CEMIP: variants seen among roughly 807,000 people sequenced by gnomAD.
The protein encoded by CEMIP is cell migration inducing hyaluronidase 1.
CEMIP carries 105 observed loss-of-function variants against 156.9 expected under a neutral mutation model. That is an observed-to-expected ratio of 0.67 (90% CI 0.57 to 0.79). The LOEUF (loss-of-function observed/expected upper bound fraction) is 0.79. Ranked by LOEUF, CEMIP falls within the 30% of genes least tolerant of loss-of-function variation. The probability of loss-of-function intolerance (pLI) is 0.00; values close to 1 mark genes in which losing one functional copy is unlikely to be tolerated. For synonymous variants in CEMIP, 676 were observed against 668.4 expected (o/e 1.01, Z -0.17); for missense variants, 1,457 against 1,769.4 (o/e 0.82, Z 3.17).
chr15:80,921,522 A>G (rs1900470451), intron 16 of CEMIP, among the ~76,000 whole-genome samples: 1 of 152,196 alleles, frequency 6.6e-6, no homozygotes, highest in African/African-American at 2.4e-5. Flanking sequence ...GAGAGCTGAC[A>G]TGCCCAGGGG....
At chr15:80,905,658 T>A (rs1403030894) in intron 12 of CEMIP, among the ~76,000 whole-genome samples, 1 of 151,976 alleles carries the variant, frequency 6.6e-6, no homozygotes, top group East Asian at 1.9e-4. Context: ...CTAGGAGGGG[T>A]AGCAGAACTG....
Position 80,931,877 on chromosome 15 carries a change from A to C in CEMIP, c.2631A>C (p.Gly877=). The change falls in exon 22 of 30, where the codon GGA becomes GGC. Residue 877 remains glycine, a synonymous_variant. Transcript: ENST00000394685. ...LPIGQNFPIR[G]IQLYDGPINI... ...TCCGTAGGAATTTTCCAATTAGAGG[A>C]ATTCAGTTATATGATGGCCCCATCA... 1 of 1,614,156 alleles carries C rather than the reference A, an allele frequency of 6.2e-7. No homozygotes were observed.
intron 1 of CEMIP, among the ~76,000 whole-genome samples, chr15:80,807,480 C>T (rs2627310): frequency 0.5 from 76,736 of 152,020 alleles, 21,037 homozygotes; most frequent in Non-Finnish European, 0.62. Context: ...CTGCCTTGGC[C>T]TCCCAAAGTG....
intron 1 of CEMIP, among the ~76,000 whole-genome samples, chr15:80,868,180 CAT>C (rs1223749215): frequency 1.3e-5 from 2 of 152,154 alleles, no homozygotes; most frequent in Non-Finnish European, 2.9e-5. Context: ...AAGGGGGAAA[CAT>C]AGAAGCTTCT....
chr15:80,942,802 G>T, intron 27 of CEMIP, 143 bp from the exon 28 acceptor site: 2 of 948,120 alleles, frequency 2.1e-6, no homozygotes, highest in Non-Finnish European at 3.5e-6. Flanking sequence ...GGGCTACGAG[G>T]AGTTAAGTGG....
At chr15:80,925,994 C>T (rs534130588) in intron 19 of CEMIP, among the ~76,000 whole-genome samples, 12 of 152,248 alleles carry the variant, frequency 7.9e-5, no homozygotes, top group East Asian at 3.9e-4. Flanking sequence ...GGTTATGATT[C>T]GCTTCCAAAT....
intron 1 of CEMIP, among the ~76,000 whole-genome samples, chr15:80,846,089 T>C (rs1287860283): frequency 6.6e-6 from 1 of 152,102 alleles, no homozygotes; most frequent in Non-Finnish European, 1.5e-5. Context: ...ATACAGACCA[T>C]TTTGCTTTGG....
intron 13 of CEMIP, among the ~76,000 whole-genome samples, chr15:80,908,516 G>T (rs1490067362): frequency 6.6e-6 from 1 of 152,162 alleles, no homozygotes; most frequent in Non-Finnish European, 1.5e-5. Context: ...GTTTTCTTGA[G>T]CCTGAAAGAA....
intron 28 of CEMIP, among the ~76,000 whole-genome samples, chr15:80,944,977 C>CT (rs1216331258): frequency 1.3e-5 from 2 of 152,174 alleles, no homozygotes; most frequent in African/African-American, 4.8e-5. Flanking sequence ...AGACCCCTCT[C>CT]TAACCTCCTG....
chr15:80,875,101 G>A (rs965194012), intron 3 of CEMIP, among the ~76,000 whole-genome samples: 4 of 139,258 alleles, frequency 2.9e-5, no homozygotes, highest in East Asian at 2.1e-4. Flanking sequence ...TGATATGATC[G>A]TGGTTCACTG....
chr15:80,942,151 C>G (rs1166335947), intron 26 of CEMIP, 98 bp downstream of exon 26: 4 of 1,487,224 alleles, frequency 2.7e-6, no homozygotes, highest in Admixed American at 1.7e-5. Context: ...AGGTCCCTCA[C>G]TCAGCTCCAT....
chr15:80,798,852 A>G (rs1311588071), intron 1 of CEMIP, among the ~76,000 whole-genome samples: 1 of 152,176 alleles, frequency 6.6e-6, no homozygotes, highest in African/African-American at 2.4e-5. Flanking sequence ...TTTAATGTAC[A>G]ATTCTAGAGT....
At chr15:80,824,407 C>T (rs1896982410) in intron 1 of CEMIP, among the ~76,000 whole-genome samples, 1 of 152,168 alleles carries the variant, frequency 6.6e-6, no homozygotes, top group South Asian at 2.1e-4. Flanking sequence ...GAAACTGTCA[C>T]CAGGGCAGTC....
At chr15:80,863,518 G>C (rs1335321641) in intron 1 of CEMIP, among the ~76,000 whole-genome samples, 2 of 152,362 alleles carry the variant, frequency 1.3e-5, no homozygotes, top group Admixed American at 6.5e-5. Flanking sequence ...AGAAGGGTTT[G>C]ATGACTATGA....
intron 10 of CEMIP, among the ~76,000 whole-genome samples, chr15:80,893,803 G>A (rs960192622): frequency 4.0e-5 from 6 of 150,968 alleles, no homozygotes; most frequent in African/African-American, 1.5e-4. Flanking sequence ...GAGCTGCTGG[G>A]TTTAAAACAA....
chr15:80,807,842 G>C (rs1295617903), intron 1 of CEMIP, among the ~76,000 whole-genome samples: 1 of 152,216 alleles, frequency 6.6e-6, no homozygotes, highest in African/African-American at 2.4e-5. Flanking sequence ...GTAGTTTATA[G>C]GTTGCTGAGA....
chr15:80,819,579 A>T (rs1896864662), intron 1 of CEMIP, among the ~76,000 whole-genome samples: 3 of 152,212 alleles, frequency 2.0e-5, no homozygotes, highest in Admixed American at 2.0e-4. Flanking sequence ...GACCAATGAC[A>T]GCACACCCTG....
intron 6 of CEMIP, among the ~76,000 whole-genome samples, chr15:80,882,757 T>TACAC (rs67853416): frequency 0.011 from 1,711 of 149,956 alleles, 10 homozygotes; most frequent in Middle Eastern, 0.038. Flanking sequence ...TGCACACACA[T>TACAC]ACACACACAC....
Position 80,812,646 on chromosome 15 carries a change from T to G in CEMIP, c.-176+33032T>G, listed in dbSNP as rs139047409. Among the ~76,000 whole-genome samples, 103 of 152,358 alleles carry G rather than the reference T, an allele frequency of 6.8e-4. No homozygotes were observed. The East Asian group carries it at 0.017, about 25-fold the overall frequency. On this transcript the variant is annotated intron_variant, in intron 1 of 29. Coordinates refer to ENST00000394685, the MANE Select transcript of CEMIP (RefSeq NM_001293298.2). ...GGACATTTGATATTTTAAATTACAT[T>G]GGAAGAATTCTCATATTTTTTTCAC...
Sources: allele counts gnomAD v4.1 joint callset (sites outside exome capture counted in the v4.1 genomes callset), GRCh38; gene constraint gnomAD v4.1.1; transcripts MANE v1.5; gene names NCBI Gene and HGNC (gene_info 2026-07-23, HGNC 2026-07-21).